The following PAMR1 variants were observed in gnomAD, a reference collection of about 807,000 sequenced individuals.
PAMR1 encodes inactive serine protease PAMR1.
Under a neutral mutation model 81.8 loss-of-function variants are expected in PAMR1, and 88 were observed. The ratio of observed to expected loss-of-function variants is 1.08; its 90% CI spans 0.91 to 1.28. PAMR1 has a LOEUF of 1.28. Among genes scored for constraint, PAMR1 ranks in the 50% most tolerant of loss-of-function variants. The pLI, the probability that PAMR1 is intolerant of heterozygous loss-of-function variation, is 0.00. For missense variants in PAMR1, 935 were observed against 919.7 expected (o/e 1.02, Z -0.21); for synonymous variants, 336 against 345.3 (o/e 0.97, Z 0.30).
intron 6 of PAMR1, chr11:35,451,882 C>T (rs1856425351): frequency 4.2e-6 from 3 of 705,960 alleles, no homozygotes; most frequent in Non-Finnish European, 7.9e-6. Context: ...TGAAGCAAGC[C>T]CTCACCAGAC....
At chr11:35,473,165 G>A (rs1251126559) in intron 4 of PAMR1, among the ~76,000 whole-genome samples, 1 of 152,160 alleles carries the variant, frequency 6.6e-6, no homozygotes, top group Non-Finnish European at 1.5e-5. Context: ...GGGCATCAGG[G>A]ACACCTGCTG....
upstream of PAMR1, among the ~76,000 whole-genome samples, chr11:35,527,461 T>C (rs113764292): frequency 7.2e-5 from 11 of 152,300 alleles, no homozygotes; most frequent in African/African-American, 2.6e-4. Context: ...GTCTTGTTCC[T>C]ACACTCAACT....
In PAMR1 at chr11:35,442,157, G is replaced by A. The variant is rs114358900; in HGVS notation, c.821-464C>T. On this transcript the variant is annotated intron_variant, in intron 6 of 10. Transcript: ENST00000619888. Reference sequence around the variant, plus strand: ...AGAAAGTAGAGCTGCTTAGAAATAAGAGTACATACATAAAGTGAATTTAGA... The same window carrying A: ...AGAAAGTAGAGCTGCTTAGAAATAAAAGTACATACATAAAGTGAATTTAGA... Among the ~76,000 whole-genome samples the A allele has an allele frequency of 1.7e-3, 252 of 152,282 alleles. 2 individuals are homozygous for A. Among genetic ancestry groups the A allele is most frequent in the African/African-American group, 5.8e-3 (240 of 41,552 alleles).
chr11:35,432,736 G>A lies in PAMR1; in HGVS notation c.1783C>T (p.His595Tyr). The A allele has an allele frequency of 6.2e-7, 1 of 1,614,104 alleles. No individual in the cohort carries two copies. Among genetic ancestry groups the A allele is most frequent in the Non-Finnish European group, 8.5e-7 (1 of 1,180,034 alleles). ...RDLSTSFQES[H>Y]ITVAGWNVLA... ...ACATTCCAGCCAGCCACAGTGATGT[G>A]GGACTCCTGGAAGGAAGTGCTGAGA... Residue 595 changes from histidine to tyrosine, a missense_variant, in exon 11 of 11, where the codon CAC becomes TAC. Transcript: ENST00000619888.
intron 1 of PAMR1, among the ~76,000 whole-genome samples, chr11:35,509,553 A>T (rs568732126): frequency 1.9e-4 from 29 of 152,370 alleles, no homozygotes; most frequent in African/African-American, 6.7e-4. Flanking sequence ...AATGTTTTTA[A>T]ATTCTTAATG....
intron 3 of PAMR1, among the ~76,000 whole-genome samples, chr11:35,476,389 C>T (rs2135384281): frequency 6.6e-6 from 1 of 152,286 alleles, no homozygotes; most frequent in East Asian, 1.9e-4. Flanking sequence ...GGAAAGGTTA[C>T]TTTCATGCTG....
chr11:35,473,452 C>A (rs1485930558), intron 4 of PAMR1, among the ~76,000 whole-genome samples: 1 of 152,184 alleles, frequency 6.6e-6, no homozygotes, highest in East Asian at 1.9e-4. Flanking sequence ...TAACATGCAG[C>A]ATTTAACACC....
intron 6 of PAMR1, among the ~76,000 whole-genome samples, chr11:35,443,016 T>C (rs1239471240): frequency 3.3e-5 from 5 of 152,180 alleles, no homozygotes; most frequent in Non-Finnish European, 7.4e-5. Flanking sequence ...GGGGTACAAT[T>C]GATCCTGTCA....
upstream of PAMR1, among the ~76,000 whole-genome samples, chr11:35,527,880 G>C (rs1694754730): frequency 6.6e-6 from 1 of 151,824 alleles, no homozygotes; most frequent in African/African-American, 2.4e-5. Flanking sequence ...AAACCACCAG[G>C]GCCCACCAAC....
intron 6 of PAMR1, among the ~76,000 whole-genome samples, chr11:35,466,446 G>A (rs1856757746): frequency 6.6e-6 from 1 of 152,122 alleles, no homozygotes; most frequent in Non-Finnish European, 1.5e-5. Context: ...AGTGAAAACT[G>A]GGCCAGTGCA....
At position 35,434,617 on chromosome 11, in the gene PAMR1, A is replaced by G. The variant is rs1263919121; in HGVS notation, c.1521T>C (p.Thr507=). The change falls in exon 10 of 11, where the codon ACT becomes ACC. Residue 507 remains threonine (T), a synonymous_variant. Transcript: ENST00000619888. ...TGATCATGGTGACCTTCCCCAGGTCAGTAACACAGTGGGCAGCCACCACCA... is the reference window on the plus strand; with the variant it reads ...TGATCATGGTGACCTTCCCCAGGTCGGTAACACAGTGGGCAGCCACCACCA... ...RTVVVAAHCV[T]DLGKVTMIKT... is the part of the protein sequence containing the mutation. 5 of 1,614,040 alleles carry G rather than the reference A, an allele frequency of 3.1e-6. No individual in the cohort carries two copies. The African/African-American group carries it at 6.7e-5, about 22-fold the overall frequency.
chr11:35,477,654 C>T lies in PAMR1; in HGVS notation c.380-2910G>A, dbSNP rs183222750. 2.0e-3 allele frequency among the ~76,000 whole-genome samples: 302 copies of T among 152,278 alleles called. 3 individuals carry two copies. Among genetic ancestry groups the T allele is most frequent in the Non-Finnish European group, 1.3e-3 (89 of 68,026 alleles). ...TTTGTGAAGCTTAAATCGTGCATGG[C>T]AAACTCTTAGCAGGAAAATTAGTAA... On this transcript the variant is annotated intron_variant, in intron 3 of 10. Coordinates refer to ENST00000619888, the MANE Select transcript of PAMR1 (RefSeq NM_001001991.3).
chr11:35,474,566 C>G (rs1850250946), intron 4 of PAMR1, 64 bp downstream of exon 4: 13 of 898,534 alleles, frequency 1.4e-5, no homozygotes, highest in Non-Finnish European at 2.3e-5. Flanking sequence ...TGACCAAGAG[C>G]CTTCCATCCC....
chr11:35,468,204 GTCT>G (rs1856791939), intron 5 of PAMR1, 96 bp from the exon 6 acceptor site: 1 of 673,776 alleles, frequency 1.5e-6, no homozygotes, highest in Non-Finnish European at 2.6e-6. Flanking sequence ...CCTTATTAAA[GTCT>G]TCTTGCAATG....
chr11:35,432,300 G>T lies in PAMR1; in HGVS notation c.*56C>A. 6.7e-7 allele frequency: 1 copy of T among 1,487,448 alleles called. No homozygotes were observed. Among genetic ancestry groups the T allele is most frequent in the South Asian group, 1.2e-5 (1 of 81,292 alleles). The allele number at this position is 1,487,448 out of a possible 1,614,324, so 92.1% of individuals were successfully genotyped here. A position where few individuals can be genotyped will look rare whatever the true frequency, so the allele number is the denominator to read the frequency against. ...TCAGGCCCACACTGCTTCACGCAATGACACACGTACAGACGGATATACAGA... is the reference window on the plus strand; with the variant it reads ...TCAGGCCCACACTGCTTCACGCAATTACACACGTACAGACGGATATACAGA... On this transcript the variant is annotated 3_prime_UTR_variant, in exon 11 of 11. Coordinates refer to ENST00000619888, the MANE Select transcript of PAMR1 (RefSeq NM_001001991.3).
chr11:35,517,410 C>A (rs952633919), intron 1 of PAMR1, among the ~76,000 whole-genome samples: 17 of 152,304 alleles, frequency 1.1e-4, no homozygotes, highest in Admixed American at 9.8e-4. Context: ...CCCTTCCTAC[C>A]CTTTCCTCTG....
At chr11:35,481,057 A>T (rs141320338) in intron 3 of PAMR1, among the ~76,000 whole-genome samples, 38 of 152,284 alleles carry the variant, frequency 2.5e-4, no homozygotes, top group African/African-American at 9.1e-4. Context: ...TGGCTACATA[A>T]TATTCCATGG....
At chr11:35,512,387 T>C (rs1054355004) in intron 1 of PAMR1, among the ~76,000 whole-genome samples, 3 of 152,132 alleles carry the variant, frequency 2.0e-5, no homozygotes, top group African/African-American at 4.8e-5. Flanking sequence ...GGTAAATAAA[T>C]TGCCCCAGGT....
chr11:35,470,882 C>A (rs1418223097), intron 4 of PAMR1, 64 bp from the exon 5 acceptor site: 8 of 1,153,094 alleles, frequency 6.9e-6, no homozygotes, highest in Non-Finnish European at 1.0e-5. Flanking sequence ...GACCGCTGGG[C>A]TCATTCAAGG....
Sources: gnomAD v4.1 joint callset for allele counts (sites outside exome capture counted in the v4.1 genomes callset) on GRCh38, gnomAD v4.1.1 for gene constraint, MANE v1.5 for transcripts, NCBI Gene and HGNC (gene_info 2026-07-23, HGNC 2026-07-21) for gene names.